The following ARHGAP32 variants were observed in gnomAD, a reference collection of about 807,000 sequenced individuals.
The protein encoded by ARHGAP32 is Rho GTPase activating protein 32, also known as rho GTPase-activating protein 32.
Under a neutral mutation model 186.5 loss-of-function variants are expected in ARHGAP32, and 51 were observed. The ratio of observed to expected loss-of-function variants is 0.27; its 90% confidence interval spans 0.22 to 0.35. The LOEUF (loss-of-function observed/expected upper bound fraction) is 0.35, where lower values mean the gene tolerates loss of function less well. Ranked by LOEUF, ARHGAP32 falls within the 10% of genes least tolerant of loss-of-function variation. The pLI, the probability that ARHGAP32 is intolerant of heterozygous loss-of-function variation, is 1.00. For synonymous variants in ARHGAP32, 950 were observed against 964.3 expected, an observed-to-expected ratio of 0.99 and a Z score of 0.27; for missense variants, 2,186 against 2,623.5, an observed-to-expected ratio of 0.83 and a Z score of 3.64.
At chr11:129,174,728 G>A (rs1315103859) in intron 1 of ARHGAP32, among the ~76,000 whole-genome samples, 1 of 152,194 alleles carries the variant, frequency 6.6e-6, no homozygotes, top group African/African-American at 2.4e-5. Flanking sequence ...TGCAGCTGAG[G>A]ATCCTGTCTG....
intron 5 of ARHGAP32, among the ~76,000 whole-genome samples, chr11:129,103,095 T>C (rs376428856): frequency 2.6e-5 from 4 of 152,116 alleles, no homozygotes; most frequent in African/African-American, 7.2e-5. Context: ...TTCTGACATA[T>C]GCTACAACAG....
chr11:129,069,911 CT>C (rs1172715783), intron 6 of ARHGAP32, among the ~76,000 whole-genome samples: 1 of 151,900 alleles, frequency 6.6e-6, no homozygotes, highest in Non-Finnish European at 1.5e-5. Context: ...GAGAAATTGG[CT>C]TTGCTTCTAA....
At chr11:129,087,242 T>A (rs1414592018) in intron 6 of ARHGAP32, among the ~76,000 whole-genome samples, 1 of 152,266 alleles carries the variant, frequency 6.6e-6, no homozygotes, top group Non-Finnish European at 1.5e-5. Flanking sequence ...TGCTCCTTGG[T>A]GTTTACCCAA....
At chr11:129,162,578 G>A (rs573066974) in intron 2 of ARHGAP32, among the ~76,000 whole-genome samples, 1 of 152,242 alleles carries the variant, frequency 6.6e-6, no homozygotes, top group East Asian at 1.9e-4. Flanking sequence ...AGTAAAACCT[G>A]AAGTGGAATC....
chr11:129,162,409 T>C (rs1230249447), intron 2 of ARHGAP32, among the ~76,000 whole-genome samples: 1 of 152,224 alleles, frequency 6.6e-6, no homozygotes, highest in South Asian at 2.1e-4. Context: ...GTGGTTTTCC[T>C]TGACTCTTGG....
intron 1 of ARHGAP32, among the ~76,000 whole-genome samples, chr11:129,235,511 G>A (rs191975807): frequency 6.6e-6 from 1 of 152,276 alleles, no homozygotes; most frequent in East Asian, 1.9e-4. Flanking sequence ...CTGGTAAAAT[G>A]ACAGGGCAGC....
At chr11:129,193,129 A>T (rs1037157060), upstream of ARHGAP32, among the ~76,000 whole-genome samples, 2 of 151,984 alleles carry the variant, frequency 1.3e-5, no homozygotes, top group African/African-American at 4.8e-5. Context: ...ATCTGATTTA[A>T]TCAAAAATTA....
intron 1 of ARHGAP32, among the ~76,000 whole-genome samples, chr11:129,267,632 A>G (rs566018654): frequency 1.3e-5 from 2 of 152,362 alleles, no homozygotes; most frequent in African/African-American, 4.8e-5. Context: ...CAGCAATGGA[A>G]CATTTTCTAT....
chr11:129,193,709 ATT>A (rs1491177709), upstream of ARHGAP32, among the ~76,000 whole-genome samples: 314 of 40,772 alleles, frequency 7.7e-3, no homozygotes, highest in Non-Finnish European at 0.011. Flanking sequence ...TATAATATAT[ATT>A]ATATATTATA....
chr11:129,066,450 T>C (rs990612941), intron 7 of ARHGAP32, among the ~76,000 whole-genome samples: 49 of 152,122 alleles, frequency 3.2e-4, no homozygotes, highest in African/African-American at 1.2e-3. Flanking sequence ...TTCCATATTT[T>C]TGCTTCCACT....
At chr11:129,035,803 C>T (rs994175164) in intron 11 of ARHGAP32, among the ~76,000 whole-genome samples, 1 of 151,836 alleles carries the variant, frequency 6.6e-6, no homozygotes, top group East Asian at 1.9e-4. Context: ...GAGATCACGC[C>T]ACCGCACTCC....
At chr11:129,085,911 G>A (rs1006382834) in intron 6 of ARHGAP32, among the ~76,000 whole-genome samples, 15 of 151,394 alleles carry the variant, frequency 9.9e-5, no homozygotes, top group South Asian at 4.2e-4. Flanking sequence ...GCAGAAAGGC[G>A]TGAACCCGGG....
intron 10 of ARHGAP32, among the ~76,000 whole-genome samples, chr11:129,042,998 A>C (rs1282092404): frequency 6.6e-6 from 1 of 152,202 alleles, no homozygotes; most frequent in African/African-American, 2.4e-5. Context: ...GTGTGTTTCA[A>C]TGCAAAGGCT....
chr11:129,021,716 C>T (rs965285770), intron 11 of ARHGAP32, among the ~76,000 whole-genome samples: 8 of 151,902 alleles, frequency 5.3e-5, no homozygotes, highest in South Asian at 2.1e-4. Context: ...ATTTTTATTT[C>T]GAAATTTAAA....
chr11:129,133,434 A>C (rs536593422), intron 2 of ARHGAP32, among the ~76,000 whole-genome samples: 2 of 152,340 alleles, frequency 1.3e-5, no homozygotes, highest in South Asian at 4.1e-4. Flanking sequence ...CAAAACAAGT[A>C]ACATCAAAGA....
chr11:129,139,888 A>G (rs548828745), intron 2 of ARHGAP32, among the ~76,000 whole-genome samples: 1 of 152,294 alleles, frequency 6.6e-6, no homozygotes, highest in South Asian at 2.1e-4. Flanking sequence ...AACATGTAAG[A>G]CTGTGGTAGG....
At chr11:129,262,225 TG>T (rs1222872453) in intron 1 of ARHGAP32, among the ~76,000 whole-genome samples, 2 of 152,210 alleles carry the variant, frequency 1.3e-5, no homozygotes, top group African/African-American at 4.8e-5. Context: ...CTGTCTCTCA[TG>T]TTTTTTTAAT....
In ARHGAP32 at chr11:129,149,280, C is replaced by A. The variant is rs185882402; in HGVS notation, c.225+15039G>T. 2.9e-4 allele frequency among the ~76,000 whole-genome samples: 44 copies of A among 152,284 alleles called. No individual in the cohort carries two copies. In the East Asian group the frequency reaches 8.5e-3, roughly 29 times the overall value. ...CACTGCCCACAACATCCTGGCTAAC[C>A]AATGGTCCTTAGTCTCTCCATTTGA... On this transcript the variant is annotated intron_variant, in intron 2 of 22. Coordinates refer to ENST00000682385, the MANE Select transcript of ARHGAP32 (RefSeq NM_001378024.1).
At chr11:129,196,647 A>T (rs1428284735), upstream of ARHGAP32, among the ~76,000 whole-genome samples, 2 of 152,168 alleles carry the variant, frequency 1.3e-5, no homozygotes, top group Non-Finnish European at 2.9e-5. Flanking sequence ...AAACATAACG[A>T]ATTATATAAT....
Sources: allele counts gnomAD v4.1 joint callset (sites outside exome capture counted in the v4.1 genomes callset), GRCh38; gene constraint gnomAD v4.1.1; transcripts MANE v1.5; gene names NCBI Gene and HGNC (gene_info 2026-07-23, HGNC 2026-07-21).